KCNIP4: variants seen among roughly 807,000 people sequenced by gnomAD.
KCNIP4 encodes potassium voltage-gated channel interacting protein 4.
A neutral mutation model predicts 34.0 loss-of-function variants in KCNIP4; 12 were observed. That is an observed-to-expected ratio of 0.35 (90% CI 0.23 to 0.57). The LOEUF is 0.57. KCNIP4 is among the 20% of genes least tolerant of loss of function. The probability of loss-of-function intolerance (pLI) is 0.83; values close to 1 mark genes in which losing one functional copy is unlikely to be tolerated. For synonymous variants in KCNIP4, 124 were observed against 102.2 expected (o/e 1.21, Z -1.29); for missense variants, 238 against 311.7 (o/e 0.76, Z 1.78).
intron 1 of KCNIP4, among the ~76,000 whole-genome samples, chr4:21,742,729 C>T (rs970522337): frequency 6.6e-6 from 1 of 151,994 alleles, no homozygotes; most frequent in Non-Finnish European, 1.5e-5. Context: ...CAAGGAGTTT[C>T]CAAACCAGAT....
intron 1 of KCNIP4, among the ~76,000 whole-genome samples, chr4:21,152,330 T>C (rs1752816184): frequency 6.6e-6 from 1 of 152,172 alleles, no homozygotes; most frequent in African/African-American, 2.4e-5. Flanking sequence ...ATTTCTTCAC[T>C]TTTCATTAGA....
chr4:21,375,800 C>T (rs1720909824), intron 1 of KCNIP4, among the ~76,000 whole-genome samples: 1 of 152,090 alleles, frequency 6.6e-6, no homozygotes, highest in Non-Finnish European at 1.5e-5. Context: ...ATCTCCTGAC[C>T]TCGTGATTGG....
At chr4:21,274,631 A>G (rs911413832) in intron 1 of KCNIP4, among the ~76,000 whole-genome samples, 4 of 152,226 alleles carry the variant, frequency 2.6e-5, no homozygotes, top group African/African-American at 9.6e-5. Context: ...CAATGAAAAT[A>G]ATTGCATTTC....
Position 21,659,379 on chromosome 4 carries a change from G to T in KCNIP4, c.61+289192C>A, listed in dbSNP as rs184172207. 2.0e-5 allele frequency among the ~76,000 whole-genome samples: 3 copies of T among 152,230 alleles called. No homozygotes were observed. In the East Asian group the frequency reaches 5.8e-4, roughly 29 times the overall value. ...TTCATACTCCTGGATGAAGCTAACA[G>T]ATGCATATTCTTCAAGTGCAGTTCT... On this transcript the variant is annotated intron_variant, in intron 1 of 8. Transcript: ENST00000382152.
intron 1 of KCNIP4, among the ~76,000 whole-genome samples, chr4:21,776,378 G>C (rs1419092275): frequency 1.3e-5 from 2 of 151,956 alleles, no homozygotes; most frequent in Admixed American, 6.6e-5. Context: ...TTTCTAGTTG[G>C]CCATCTTGGC....
intron 4 of KCNIP4, among the ~76,000 whole-genome samples, chr4:20,750,022 T>C (rs1033762276): frequency 3.3e-5 from 5 of 152,154 alleles, no homozygotes; most frequent in African/African-American, 1.2e-4. Context: ...AATGGTCCCA[T>C]AGGTGGATGT....
At chr4:21,652,777 A>G (rs1220665426) in intron 1 of KCNIP4, among the ~76,000 whole-genome samples, 1 of 152,176 alleles carries the variant, frequency 6.6e-6, no homozygotes, top group Admixed American at 6.5e-5. Flanking sequence ...TATTAATGTC[A>G]TCTTCTGCCA....
At chr4:21,309,045 A>G (rs1712826156) in intron 1 of KCNIP4, among the ~76,000 whole-genome samples, 1 of 152,178 alleles carries the variant, frequency 6.6e-6, no homozygotes, top group Admixed American at 6.5e-5. Flanking sequence ...CAGTTAACTC[A>G]CAGTAATGAA....
At chr4:21,867,304 T>C (rs1377803718) in intron 1 of KCNIP4, among the ~76,000 whole-genome samples, 2 of 152,082 alleles carry the variant, frequency 1.3e-5, no homozygotes, top group African/African-American at 4.8e-5. Context: ...AATGTAGAAG[T>C]AGAAATGAGT....
intron 1 of KCNIP4, among the ~76,000 whole-genome samples, chr4:21,300,239 T>A (rs2109238735): frequency 6.6e-6 from 1 of 152,266 alleles, no homozygotes; most frequent in East Asian, 1.9e-4. Context: ...TTGATTCAAT[T>A]TCTCCCTGGA....
chr4:21,093,330 T>A (rs1315677653), intron 1 of KCNIP4, among the ~76,000 whole-genome samples: 1 of 152,220 alleles, frequency 6.6e-6, no homozygotes, highest in East Asian at 1.9e-4. Context: ...ACAATGTGAC[T>A]TTACTCGTAT....
In KCNIP4 at chr4:21,247,820, T is replaced by TATATACAC. The variant is rs767314805; in HGVS notation, c.62-365112_62-365111insGTGTATAT. Reference sequence around the variant, plus strand: ...AGGTGGATATATATATATATATATATACACACACACACAGACACCACAGGT... The same window carrying TATATACAC: ...AGGTGGATATATATATATATATATATATATACACACACACACACACAGACACCACAGGT... On this transcript the variant is annotated intron_variant, in intron 1 of 8. Transcript: ENST00000382152. Among the ~76,000 whole-genome samples the TATATACAC allele has an allele frequency of 3.5e-3, 355 of 101,150 alleles. 12 individuals are homozygous for TATATACAC. The highest frequency in any genetic ancestry group is 5.1e-3 in the Non-Finnish European group (276 of 53,778). The allele number at this position is 101,150 out of a possible 152,430, so 66.4% of individuals were successfully genotyped here.
intron 1 of KCNIP4, among the ~76,000 whole-genome samples, chr4:20,997,979 G>C (rs1169128444): frequency 6.6e-6 from 1 of 152,168 alleles, no homozygotes; most frequent in East Asian, 1.9e-4. Context: ...AGGTAATCCA[G>C]GTAGAGCTGT....
chr4:20,894,733 T>C lies in KCNIP4; in HGVS notation c.62-12024A>G, dbSNP rs186235030. On this transcript the variant is annotated intron_variant, in intron 1 of 8. Coordinates refer to ENST00000382152, the MANE Select transcript of KCNIP4 (RefSeq NM_025221.6). ...GCACTGGCAAAAACATAGTCCTTGC[T>C]CTTGTGAAATGTATAATCTAATGGG... is the stretch of plus-strand genomic sequence containing the variant. Among the ~76,000 whole-genome samples the C allele has an allele frequency of 7.6e-3, 1,162 of 152,318 alleles. 11 individuals are homozygous for C. The highest frequency in any genetic ancestry group is 0.013 in the Admixed American group (202 of 15,300).
At chr4:21,275,343 T>G in intron 1 of KCNIP4, among the ~76,000 whole-genome samples, 1 of 152,144 alleles carries the variant, frequency 6.6e-6, no homozygotes, top group East Asian at 1.9e-4. Flanking sequence ...GAGTACACTG[T>G]TATGAGCCCA....
chr4:21,278,660 G>T (rs1440503458), intron 1 of KCNIP4, among the ~76,000 whole-genome samples: 1 of 152,122 alleles, frequency 6.6e-6, no homozygotes, highest in East Asian at 1.9e-4. Context: ...ATACTATGCA[G>T]CAAAGAGAGT....
intron 3 of KCNIP4, among the ~76,000 whole-genome samples, chr4:20,817,396 C>T (rs576511936): frequency 6.6e-6 from 1 of 152,276 alleles, no homozygotes; most frequent in South Asian, 2.1e-4. Context: ...GCCCTGTTCT[C>T]GACTAAAACC....
At chr4:20,950,266 G>C (rs975629105) in intron 1 of KCNIP4, among the ~76,000 whole-genome samples, 3 of 152,020 alleles carry the variant, frequency 2.0e-5, no homozygotes, top group African/African-American at 2.4e-5. Context: ...GGAAGATCTA[G>C]CTGTAGCTAG....
chr4:21,270,266 G>A (rs67231606), intron 1 of KCNIP4, among the ~76,000 whole-genome samples: 23,988 of 152,156 alleles, frequency 0.16, 2,617 homozygotes, highest in African/African-American at 0.31. Flanking sequence ...GGATGAAAGT[G>A]GAGCTGCTTT....
Sources: gnomAD v4.1 joint callset for allele counts (sites outside exome capture counted in the v4.1 genomes callset) on GRCh38, gnomAD v4.1.1 for gene constraint, MANE v1.5 for transcripts, NCBI Gene and HGNC (gene_info 2026-07-23, HGNC 2026-07-21) for gene names.